Variants in DNER observed in about 807,000 individuals in gnomAD.
DNER encodes delta/notch like EGF repeat containing, also known as delta and Notch-like epidermal growth factor-related receptor.
DNER carries 33 observed loss-of-function variants against 78.2 expected under a neutral mutation model. The observed-to-expected ratio is 0.42, with a 90% CI of 0.32 to 0.56. The LOEUF is 0.56. Ranked by LOEUF, DNER falls within the 20% of genes least tolerant of loss-of-function variation. The pLI is 0.11. For synonymous variants in DNER, 417 were observed against 384.8 expected (o/e 1.08, Z -0.98); for missense variants, 918 against 975.3 (o/e 0.94, Z 0.78).
chr2:229,447,548 A>G lies in DNER; in HGVS notation c.1262-8T>C. 1.2e-6 allele frequency: 2 copies of G among 1,612,942 alleles called. No homozygotes were observed. The highest frequency in any genetic ancestry group is 1.7e-6 in the Non-Finnish European group (2 of 1,179,392). The stretch of plus-strand genomic sequence containing the variant: ...AAGCAGATCCGAAGTATCCTGTGAA[A>G]AAACACATGAGAGCTTAAAAAAACT... On this transcript the variant is annotated splice_polypyrimidine_tract_variant and splice_region_variant and intron_variant, in intron 7 of 12. Coordinates refer to ENST00000341772, the MANE Select transcript of DNER (RefSeq NM_139072.4).
chr2:229,528,728 C>T (rs190647884), intron 5 of DNER, among the ~76,000 whole-genome samples: 1 of 152,262 alleles, frequency 6.6e-6, no homozygotes, highest in South Asian at 2.1e-4. Context: ...CTCTCTCTAA[C>T]TAGGAAACAC....
chr2:229,518,209 T>C (rs1696019193), intron 5 of DNER, among the ~76,000 whole-genome samples: 1 of 152,214 alleles, frequency 6.6e-6, no homozygotes, highest in Non-Finnish European at 1.5e-5. Context: ...CTCAGCATTA[T>C]AAAATAACTG....
intron 8 of DNER, among the ~76,000 whole-genome samples, chr2:229,444,221 C>T (rs1305679012): frequency 6.6e-6 from 1 of 152,198 alleles, no homozygotes; most frequent in Non-Finnish European, 1.5e-5. Context: ...CCCCACATAG[C>T]TCGAGAATCC....
chr2:229,372,330 C>G (rs1257571002), intron 11 of DNER, among the ~76,000 whole-genome samples: 3 of 152,234 alleles, frequency 2.0e-5, no homozygotes, highest in Admixed American at 6.5e-5. Flanking sequence ...TTTTACCTCA[C>G]TGACTGCCAA....
intron 5 of DNER, among the ~76,000 whole-genome samples, chr2:229,521,844 T>A (rs957914786): frequency 6.6e-6 from 1 of 152,192 alleles, no homozygotes; most frequent in Non-Finnish European, 1.5e-5. Flanking sequence ...AGAAAAACTA[T>A]GAATTACATG....
rs1698133762 is a variant in DNER, at chr2:229,615,369, C to A, written c.277-23481G>T. Among the ~76,000 whole-genome samples, 11 of 147,336 alleles carry A rather than the reference C, an allele frequency of 7.5e-5. No individual in the cohort carries two copies. In the South Asian group the frequency reaches 2.1e-3, roughly 29 times the overall value. ...GAGGTTGTGGTGAGCCAAGACTGCA[C>A]CTTTGCATCCCAGCCTGAGCCACAA... On this transcript the variant is annotated intron_variant, in intron 1 of 12. Coordinates refer to ENST00000341772, the MANE Select transcript of DNER (RefSeq NM_139072.4).
At chr2:229,557,503 A>C (rs531075938) in intron 4 of DNER, among the ~76,000 whole-genome samples, 1 of 152,308 alleles carries the variant, frequency 6.6e-6, no homozygotes, top group South Asian at 2.1e-4. Flanking sequence ...TTTTGTCAAC[A>C]CCTGCATTCC....
At chr2:229,490,484 C>T (rs1289812183) in intron 6 of DNER, among the ~76,000 whole-genome samples, 1 of 152,162 alleles carries the variant, frequency 6.6e-6, no homozygotes, top group East Asian at 1.9e-4. Flanking sequence ...CACAAAACTA[C>T]ACATCATATA....
chr2:229,482,289 C>A (rs944612084), intron 6 of DNER, among the ~76,000 whole-genome samples: 8 of 152,232 alleles, frequency 5.3e-5, no homozygotes, highest in African/African-American at 1.9e-4. Flanking sequence ...TCGCCCAGCC[C>A]CTGTCTTCAC....
chr2:229,613,610 T>C (rs1166098742), intron 1 of DNER, among the ~76,000 whole-genome samples: 1 of 151,914 alleles, frequency 6.6e-6, no homozygotes, highest in Non-Finnish European at 1.5e-5. Context: ...TGCCAGATTG[T>C]TTTTACTATA....
intron 4 of DNER, among the ~76,000 whole-genome samples, chr2:229,551,638 A>C (rs186934447): frequency 6.6e-6 from 1 of 152,086 alleles, no homozygotes; most frequent in East Asian, 1.9e-4. Context: ...CCGTTTAAAA[A>C]AAAACATAAA....
At chr2:229,564,638 C>A (rs1167639952) in intron 4 of DNER, among the ~76,000 whole-genome samples, 1 of 150,482 alleles carries the variant, frequency 6.6e-6, no homozygotes, top group South Asian at 2.1e-4. Flanking sequence ...CTCATCCTCA[C>A]CCCATCACCA....
At chr2:229,486,081 T>G (rs12479377) in intron 6 of DNER, among the ~76,000 whole-genome samples, 19,086 of 152,208 alleles carry the variant, frequency 0.13, 1,336 homozygotes, top group South Asian at 0.2. Context: ...CTCAGCCGTG[T>G]CTGCTAAGAT....
intron 8 of DNER, among the ~76,000 whole-genome samples, chr2:229,429,146 G>A (rs946569162): frequency 1.6e-4 from 24 of 152,164 alleles, no homozygotes; most frequent in Admixed American, 4.6e-4. Context: ...GGGGTACAAT[G>A]TGAGAGTTTG....
At chr2:229,687,508 C>A (rs912104541) in intron 1 of DNER, among the ~76,000 whole-genome samples, 4 of 152,084 alleles carry the variant, frequency 2.6e-5, no homozygotes, top group African/African-American at 9.7e-5. Flanking sequence ...AAATGATCCA[C>A]CTACCTCGGC....
At position 229,546,818 on chromosome 2, in the gene DNER, C is replaced by CAGATAGAT. The variant is rs1394897452; in HGVS notation, c.993+128_993+129insATCTATCT. The CAGATAGAT allele has an allele frequency of 5.3e-6, 7 of 1,330,796 alleles. 1 individual carries two copies. In the African/African-American group the frequency reaches 9.5e-5, roughly 18 times the overall value. The allele number at this position is 1,330,796 out of a possible 1,614,324, so 82.4% of individuals were successfully genotyped here. A position where few individuals can be genotyped will look rare whatever the true frequency, so the allele number is the denominator to read the frequency against. On this transcript the variant is annotated intron_variant, in intron 5 of 12. Coordinates refer to ENST00000341772, the MANE Select transcript of DNER (RefSeq NM_139072.4). ...ATAGATAGATAGACAGACAGACAGA[C>CAGATAGAT]AGACAGACAGACAGATAGATAGATA...
intron 1 of DNER, among the ~76,000 whole-genome samples, chr2:229,704,399 A>G (rs1699794642): frequency 6.6e-6 from 1 of 152,262 alleles, no homozygotes; most frequent in Admixed American, 6.5e-5. Context: ...AAAGACCTGT[A>G]TGTGAACACT....
At chr2:229,707,817 T>C (rs1452080044) in intron 1 of DNER, among the ~76,000 whole-genome samples, 2 of 152,376 alleles carry the variant, frequency 1.3e-5, no homozygotes, top group African/African-American at 4.8e-5. Flanking sequence ...TGTTTTCTTA[T>C]TGTTCTTTGC....
intron 4 of DNER, among the ~76,000 whole-genome samples, chr2:229,572,542 C>A (rs1468496571): frequency 2.6e-5 from 4 of 151,996 alleles, no homozygotes; most frequent in East Asian, 3.9e-4. Context: ...AATAGAAGAA[C>A]TAAAAACAAA....
Sources: allele counts gnomAD v4.1 joint callset (sites outside exome capture counted in the v4.1 genomes callset), GRCh38; gene constraint gnomAD v4.1.1; transcripts MANE v1.5; gene names NCBI Gene and HGNC (gene_info 2026-07-23, HGNC 2026-07-21).